The following KIF5B variants were observed in gnomAD, a reference collection of about 807,000 sequenced individuals.
KIF5B encodes the protein kinesin-1 heavy chain.
KIF5B carries 49 observed loss-of-function variants against 132.8 expected under a neutral mutation model. The ratio of observed to expected loss-of-function variants is 0.37; its 90% CI spans 0.29 to 0.47. The LOEUF (loss-of-function observed/expected upper bound fraction) is 0.47, where lower values mean the gene tolerates loss of function less well. KIF5B is among the 20% of genes least tolerant of loss of function. The probability of loss-of-function intolerance (pLI) is 1.00; values close to 1 mark genes in which losing one functional copy is unlikely to be tolerated. For synonymous variants in KIF5B, 355 were observed against 369.4 expected, an observed-to-expected ratio of 0.96 and a Z score of 0.45; for missense variants, 780 against 1,144.0, an observed-to-expected ratio of 0.68 and a Z score of 4.59.
intron 14 of KIF5B, 94 bp downstream of exon 14, chr10:32,030,979 T>G: frequency 1.2e-6 from 1 of 842,472 alleles, no homozygotes; most frequent in Non-Finnish European, 1.8e-6. Flanking sequence ...TTATCGATAT[T>G]TGACTTACAT....
intron 2 of KIF5B, among the ~76,000 whole-genome samples, chr10:32,047,477 T>C (rs1041630477): frequency 6.6e-6 from 1 of 152,200 alleles, no homozygotes; most frequent in East Asian, 1.9e-4. Flanking sequence ...GGGCCCTTAA[T>C]ACTGCCTGGC....
chr10:32,031,154 G>C lies in KIF5B; in HGVS notation c.1500C>G (p.Val500=), dbSNP rs1401028908. The part of the protein sequence containing the change: ...EVLQALEELA[V]NYDQKSQEVE... ...CTTCCTGAGACTTCTGATCATAATT[G>C]ACAGCAAGTTCTTCTAGGGCCTGTA... Residue 500 remains valine, a synonymous_variant, in exon 14 of 26, where the codon GTC becomes GTG. Coordinates refer to ENST00000302418, the MANE Select transcript of KIF5B (RefSeq NM_004521.3). The C allele has an allele frequency of 6.2e-7, 1 of 1,613,622 alleles. No homozygotes were observed.
rs745378681 is a variant in KIF5B at position 32,034,053 on chromosome 10, T to C, written c.1112-15A>G. On this transcript the variant is annotated splice_polypyrimidine_tract_variant and intron_variant, in intron 11 of 25. Transcript: ENST00000302418. Reference sequence around the variant, plus strand: ...CACCGTCTCCCCTAAAATAAGAAAATAAAGTGGTTAATAAAAAAACGACGT... The same window carrying C: ...CACCGTCTCCCCTAAAATAAGAAAACAAAGTGGTTAATAAAAAAACGACGT... 1 of 1,479,564 alleles carries C rather than the reference T, an allele frequency of 6.8e-7. No homozygotes were observed. Among genetic ancestry groups the C allele is most frequent in the Admixed American group, 2.4e-5 (1 of 40,948 alleles). 91.7% of individuals were successfully genotyped at this position (1,479,564 alleles called of 1,614,324 possible). A position where few individuals can be genotyped will look rare whatever the true frequency, so the allele number is the denominator to read the frequency against.
chr10:32,032,163 T>G (rs2132598767), intron 13 of KIF5B, among the ~76,000 whole-genome samples: 1 of 152,066 alleles, frequency 6.6e-6, no homozygotes, highest in South Asian at 2.1e-4. Context: ...CTAATGGCAT[T>G]TAGGAGTAGG....
At chr10:32,017,766 T>C in intron 23 of KIF5B, among the ~76,000 whole-genome samples, 1 of 152,212 alleles carries the variant, frequency 6.6e-6, no homozygotes, top group East Asian at 1.9e-4. Context: ...CAGTCTTGTG[T>C]AGTAGAGATT....
chr10:32,047,257 A>G (rs1314870229), intron 2 of KIF5B, among the ~76,000 whole-genome samples: 1 of 152,040 alleles, frequency 6.6e-6, no homozygotes, highest in African/African-American at 2.4e-5. Context: ...TCTACAACCC[A>G]CTAATGTTAC....
intron 1 of KIF5B, among the ~76,000 whole-genome samples, chr10:32,050,375 G>C (rs1188957215): frequency 6.6e-6 from 1 of 152,216 alleles, no homozygotes; most frequent in Non-Finnish European, 1.5e-5. Context: ...TGAAGTGGCG[G>C]TCTGTTCGAG....
intron 2 of KIF5B, among the ~76,000 whole-genome samples, chr10:32,042,791 T>C (rs1246607981): frequency 2.0e-5 from 3 of 152,160 alleles, no homozygotes; most frequent in African/African-American, 7.2e-5. Flanking sequence ...TAACAGCACA[T>C]CACGTTGTAG....
chr10:32,040,452 G>A lies in KIF5B; in HGVS notation c.220C>T (p.Leu74Phe). ...AATATTGTTCCATTATATCCTTCAA[G>A]TACATCTATGAGAAAAGATTTTATA... ...DCAKKIVKDV[L>F]EGYNGTIFAY... The change falls in exon 3 of 26, where the codon CTT becomes TTT. Residue 74 changes from leucine to phenylalanine, a missense_variant. This residue lies in a region of KIF5B where 15 missense variants were observed against 48.5 expected (regional missense o/e 0.31). Coordinates refer to ENST00000302418, the MANE Select transcript of KIF5B (RefSeq NM_004521.3). 1 of 1,568,410 alleles carries A rather than the reference G, an allele frequency of 6.4e-7. No individual in the cohort carries two copies. The highest frequency in any genetic ancestry group is 1.7e-5 in the Admixed American group (1 of 59,820).
intron 14 of KIF5B, among the ~76,000 whole-genome samples, chr10:32,029,794 T>C (rs1175936898): frequency 1.3e-5 from 2 of 152,180 alleles, no homozygotes; most frequent in Non-Finnish European, 2.9e-5. Flanking sequence ...TTCAGAGTTG[T>C]AAAAAACTCC....
At chr10:32,012,464 T>C (rs1841096980) in intron 25 of KIF5B, among the ~76,000 whole-genome samples, 1 of 152,200 alleles carries the variant, frequency 6.6e-6, no homozygotes, top group South Asian at 2.1e-4. Context: ...TTATTTAACA[T>C]TTAAACAATT....
intron 14 of KIF5B, 87 bp downstream of exon 14, chr10:32,030,986 A>T: frequency 1.1e-6 from 1 of 908,130 alleles, no homozygotes; most frequent in Non-Finnish European, 1.7e-6. Context: ...TATTTGACTT[A>T]CATAGAAAAG....
chr10:32,025,417 C>T (rs1841322374), intron 15 of KIF5B, among the ~76,000 whole-genome samples: 1 of 152,182 alleles, frequency 6.6e-6, no homozygotes, highest in Non-Finnish European at 1.5e-5. Flanking sequence ...ACTCTGTCAC[C>T]TAGGAAGGAG....
At chr10:32,041,471 AT>A (rs1169125263) in intron 2 of KIF5B, among the ~76,000 whole-genome samples, 2 of 152,204 alleles carry the variant, frequency 1.3e-5, no homozygotes, top group African/African-American at 4.8e-5. Flanking sequence ...AAGAAAAAAA[AT>A]CCTCTGCCAA....
At chr10:32,031,416 C>A in intron 13 of KIF5B, 137 bp from the exon 14 acceptor site, 2 of 673,220 alleles carry the variant, frequency 3.0e-6, no homozygotes, top group South Asian at 3.8e-5. Context: ...ATTCATTAAA[C>A]AGATTTACTA....
At chr10:32,038,738 CAG>C (rs1841493676) in intron 5 of KIF5B, 38 bp downstream of exon 5, 2 of 1,050,022 alleles carry the variant, frequency 1.9e-6, no homozygotes, top group Non-Finnish European at 2.9e-6. Context: ...AAGGAATTAA[CAG>C]ATGTTATTTA....
chr10:32,048,188 G>A (rs945895424), intron 2 of KIF5B, among the ~76,000 whole-genome samples: 1 of 152,056 alleles, frequency 6.6e-6, no homozygotes, highest in Non-Finnish European at 1.5e-5. Flanking sequence ...AAACTCTCCT[G>A]GGAATATCTA....
At chr10:32,055,234 T>C (rs1841738137) in intron 1 of KIF5B, among the ~76,000 whole-genome samples, 1 of 152,166 alleles carries the variant, frequency 6.6e-6, no homozygotes, top group South Asian at 2.1e-4. Flanking sequence ...ATTTGCCATT[T>C]GTAGTTGTTA....
In KIF5B at chr10:32,009,261, G is replaced by A. The variant is rs1292916223; in HGVS notation, c.*2276C>T. On this transcript the variant is annotated 3_prime_UTR_variant, in exon 26 of 26. Transcript: ENST00000302418. ...AGTTAGGCAAATAATTTAATTAATC[G>A]CCATGAATAAATATTCTCTTTATTT... 18 of 151,944 alleles carry A rather than the reference G, an allele frequency of 1.2e-4. 1 individual carries two copies. Among genetic ancestry groups the A allele is most frequent in the South Asian group, 4.2e-4 (2 of 4,796 alleles). The allele number at this position is 151,944 out of a possible 1,614,324, so 9.4% of individuals were successfully genotyped here. A position where few individuals can be genotyped will look rare whatever the true frequency, so the allele number is the denominator to read the frequency against.
Sources: gnomAD v4.1 joint callset for allele counts (sites outside exome capture counted in the v4.1 genomes callset) on GRCh38, gnomAD v4.1.1 for gene constraint, gnomAD v4.1.1 regional missense constraint, MANE v1.5 for transcripts, NCBI Gene and HGNC (gene_info 2026-07-23, HGNC 2026-07-21) for gene names.